Variants in ZSWIM6 observed in about 807,000 individuals in gnomAD.
The protein encoded by ZSWIM6 is zinc finger SWIM domain-containing protein 6.
A neutral mutation model predicts 113.2 loss-of-function variants in ZSWIM6; 9 were observed. The ratio of observed to expected loss-of-function variants is 0.08; its 90% confidence interval spans 0.05 to 0.14. ZSWIM6 has a LOEUF of 0.14. Ranked by LOEUF, ZSWIM6 falls within the 10% of genes least tolerant of loss-of-function variation. The pLI, the probability that ZSWIM6 is intolerant of heterozygous loss-of-function variation, is 1.00. For synonymous variants in ZSWIM6, 611 were observed against 606.5 expected (o/e 1.01, Z -0.11); for missense variants, 1,162 against 1,552.2 (o/e 0.75, Z 4.22).
At chr5:61,385,816 CTCTCTTG>C (rs1431182221) in intron 1 of ZSWIM6, among the ~76,000 whole-genome samples, 8 of 152,312 alleles carry the variant, frequency 5.3e-5, no homozygotes, top group Non-Finnish European at 1.0e-4. Context: ...TGTCCACTGG[CTCTCTTG>C]TCTTTCGAAT....
chr5:61,339,735 G>T (rs1472238923), intron 1 of ZSWIM6, among the ~76,000 whole-genome samples: 1 of 152,166 alleles, frequency 6.6e-6, no homozygotes, highest in Non-Finnish European at 1.5e-5. Context: ...TAAACAGTAT[G>T]AAACCCACAA....
chr5:61,544,459 T>A lies in ZSWIM6; in HGVS notation c.*142T>A. The A allele has an allele frequency of 2.3e-6, 1 of 430,622 alleles. No individual in the cohort carries two copies. Among genetic ancestry groups the A allele is most frequent in the Non-Finnish European group, 4.0e-6 (1 of 247,606 alleles). 26.7% of individuals were successfully genotyped at this position (430,622 alleles called of 1,614,324 possible). On this transcript the variant is annotated 3_prime_UTR_variant, in exon 14 of 14. Coordinates refer to ENST00000252744, the MANE Select transcript of ZSWIM6 (RefSeq NM_020928.2). ...GTATAGTTATATTGCGTTTGCAGAC[T>A]AAATTGTCATGTTGTGAAAGTTTGT...
chr5:61,360,568 C>G (rs1745012831), intron 1 of ZSWIM6, among the ~76,000 whole-genome samples: 1 of 152,150 alleles, frequency 6.6e-6, no homozygotes, highest in Admixed American at 6.5e-5. Context: ...TTTGATCTTG[C>G]CCCCACACAT....
chr5:61,379,175 T>C (rs557735455), intron 1 of ZSWIM6, among the ~76,000 whole-genome samples: 2 of 107,406 alleles, frequency 1.9e-5, no homozygotes, highest in Admixed American at 2.6e-4. Flanking sequence ...TAGGGTAAGA[T>C]CCTGTCTCTG....
intron 1 of ZSWIM6, among the ~76,000 whole-genome samples, chr5:61,409,248 T>C (rs985858669): frequency 1.4e-4 from 21 of 152,200 alleles, no homozygotes; most frequent in South Asian, 1.2e-3. Context: ...GTAAAAACTT[T>C]GGTGATTTTT....
intron 8 of ZSWIM6, among the ~76,000 whole-genome samples, chr5:61,531,182 G>A (rs1309767565): frequency 6.6e-6 from 1 of 152,072 alleles, no homozygotes; most frequent in Non-Finnish European, 1.5e-5. Flanking sequence ...AGTATTCTTA[G>A]TTCATATTTT....
chr5:61,430,792 T>A (rs1343769189), intron 1 of ZSWIM6, among the ~76,000 whole-genome samples: 1 of 152,204 alleles, frequency 6.6e-6, no homozygotes, highest in Non-Finnish European at 1.5e-5. Flanking sequence ...AATTTCAGAC[T>A]CCAGATACCT....
chr5:61,532,844 T>G (rs536051731), intron 9 of ZSWIM6, among the ~76,000 whole-genome samples: 1 of 152,336 alleles, frequency 6.6e-6, no homozygotes. Context: ...ATCCTGATTC[T>G]TCAGTTACTG....
intron 4 of ZSWIM6, among the ~76,000 whole-genome samples, chr5:61,504,630 A>G (rs1748552490): frequency 6.6e-6 from 1 of 152,222 alleles, no homozygotes; most frequent in African/African-American, 2.4e-5. Context: ...ACACAAGTAT[A>G]GTGCTTAAGT....
chr5:61,515,715 T>G (rs1345422913), intron 4 of ZSWIM6, among the ~76,000 whole-genome samples: 1 of 152,150 alleles, frequency 6.6e-6, no homozygotes, highest in East Asian at 1.9e-4. Context: ...TATTTGATAA[T>G]TTTCTGGCTA....
chr5:61,362,417 C>T (rs1007898688), intron 1 of ZSWIM6, among the ~76,000 whole-genome samples: 2 of 152,184 alleles, frequency 1.3e-5, no homozygotes, highest in African/African-American at 4.8e-5. Flanking sequence ...AGGCTGGTCT[C>T]TAACTCCTGA....
intron 1 of ZSWIM6, among the ~76,000 whole-genome samples, chr5:61,398,329 C>T (rs1187407320): frequency 6.6e-6 from 1 of 152,148 alleles, no homozygotes; most frequent in Non-Finnish European, 1.5e-5. Flanking sequence ...AGGTTGCACA[C>T]TCCTTATGAG....
At chr5:61,436,912 A>G (rs1259595162) in intron 1 of ZSWIM6, among the ~76,000 whole-genome samples, 1 of 152,148 alleles carries the variant, frequency 6.6e-6, no homozygotes, top group East Asian at 1.9e-4. Context: ...GCCTGCAGTC[A>G]TTTCCACTGC....
chr5:61,362,542 G>A (rs1745052253), intron 1 of ZSWIM6, among the ~76,000 whole-genome samples: 1 of 152,148 alleles, frequency 6.6e-6, no homozygotes, highest in Admixed American at 6.6e-5. Context: ...GAAGAAGCTT[G>A]CACAGGGAGC....
Position 61,470,695 on chromosome 5 carries a change from A to G in ZSWIM6, c.677-1986A>G, listed in dbSNP as rs1262484048. 2.6e-5 allele frequency among the ~76,000 whole-genome samples: 4 copies of G among 151,546 alleles called. No individual in the cohort carries two copies. The East Asian group carries it at 5.8e-4, about 22-fold the overall frequency. ...TTCTGAAACAGTGAGAATATTTGTG[A>G]AAAAAAAACCAAAGATTATTATATG... On this transcript the variant is annotated intron_variant, in intron 1 of 13. Transcript: ENST00000252744.
At position 61,332,611 on chromosome 5, in the gene ZSWIM6, C is replaced by T. The variant is rs775635478; in HGVS notation, c.339C>T (p.Ser113=). The change falls in exon 1 of 14, where the codon TCC becomes TCT. Residue 113 remains serine, a synonymous_variant. Transcript: ENST00000252744. The part of the protein sequence containing the change: ...EPVQRRIVYW[S]FPRSEREICM... ...TGCAGCGCCGCATAGTCTATTGGTC[C>T]TTCCCCCGCAGCGAGCGGGAGATCT... 1.3e-5 allele frequency: 16 copies of T among 1,279,324 alleles called. 1 individual carries two copies. In the South Asian group the frequency reaches 2.3e-4, roughly 18 times the overall value. 79.2% of individuals were successfully genotyped at this position (1,279,324 alleles called of 1,614,324 possible).
chr5:61,403,070 T>A (rs557569676), intron 1 of ZSWIM6, among the ~76,000 whole-genome samples: 8 of 152,354 alleles, frequency 5.3e-5, no homozygotes, highest in Non-Finnish European at 1.0e-4. Context: ...CCAGGAATAA[T>A]GTGCTGTTTA....
intron 1 of ZSWIM6, among the ~76,000 whole-genome samples, chr5:61,432,575 T>TTTC (rs761416405): frequency 7.2e-5 from 11 of 152,194 alleles, no homozygotes; most frequent in Non-Finnish European, 1.5e-4. Context: ...TCTCCATGAG[T>TTTC]TTCTTTATGT....
chr5:61,427,109 TG>T (rs1746477738), intron 1 of ZSWIM6, among the ~76,000 whole-genome samples: 1 of 152,232 alleles, frequency 6.6e-6, no homozygotes, highest in African/African-American at 2.4e-5. Context: ...TGATGGTTCA[TG>T]ACTGAATTAT....
Sources: allele counts gnomAD v4.1 joint callset (sites outside exome capture counted in the v4.1 genomes callset), GRCh38; gene constraint gnomAD v4.1.1; transcripts MANE v1.5; gene names NCBI Gene and HGNC (gene_info 2026-07-23, HGNC 2026-07-21).